The following RAD51D variants were observed in gnomAD, a reference collection of about 807,000 sequenced individuals.
RAD51D encodes the protein RAD51 paralog D, also known as DNA repair protein RAD51 homolog 4.
A neutral mutation model predicts 44.1 loss-of-function variants in RAD51D; 38 were observed. That is an observed-to-expected ratio of 0.86 (90% CI 0.67 to 1.13). The LOEUF (loss-of-function observed/expected upper bound fraction) is 1.13. Among genes scored for constraint, RAD51D ranks in the 50% most tolerant of loss-of-function variants. The probability of loss-of-function intolerance (pLI) is 0.00; values close to 1 mark genes in which losing one functional copy is unlikely to be tolerated. For missense variants in RAD51D, 390 were observed against 414.0 expected, an observed-to-expected ratio of 0.94 and a Z score of 0.50; for synonymous variants, 141 against 166.6, an observed-to-expected ratio of 0.85 and a Z score of 1.18.
At chr17:35,115,272 C>A in intron 3 of RAD51D, 1 of 518,426 alleles carries the variant, frequency 1.9e-6, no homozygotes, top group Admixed American at 1.9e-5. Flanking sequence ...CACACCACTT[C>A]AATGCCTCAT....
chr17:35,106,598 G>A, intron 5 of RAD51D, 117 bp from the exon 6 acceptor site: 1 of 779,372 alleles, frequency 1.3e-6, no homozygotes, highest in Non-Finnish European at 2.2e-6. Context: ...GGTGGCAAAT[G>A]AGCTTTGTCT....
intron 3 of RAD51D, chr17:35,115,176 T>G (rs1335317168): frequency 6.5e-6 from 3 of 458,120 alleles, no homozygotes; most frequent in Non-Finnish European, 1.3e-5. Flanking sequence ...GTTTTACCAC[T>G]GCCTAGAATA....
At chr17:35,116,002 A>AAAGAAAGAAAGAAAGAAAGAAAGG (rs1491449510) in intron 3 of RAD51D, among the ~76,000 whole-genome samples, 2 of 150,870 alleles carry the variant, frequency 1.3e-5, no homozygotes, top group African/African-American at 2.4e-5. Flanking sequence ...AGAAAGAAAG[A>AAAGAAAGAAAGAAAGAAAGAAAGG]AAGAAAGAAA....
At chr17:35,118,107 G>A (rs2091770662) in intron 3 of RAD51D, among the ~76,000 whole-genome samples, 1 of 152,160 alleles carries the variant, frequency 6.6e-6, no homozygotes, top group Non-Finnish European at 1.5e-5. Context: ...TTGTGTTATA[G>A]GACAATGCTT....
rs896578423 is a variant in RAD51D, at chr17:35,093,146, G to T, written c.*7807C>A. The T allele has an allele frequency of 6.6e-6, 1 of 152,118 alleles. No homozygotes were observed. Among genetic ancestry groups the T allele is most frequent in the African/African-American group, 2.4e-5 (1 of 41,412 alleles). 9.4% of individuals were successfully genotyped at this position (152,118 alleles called of 1,614,324 possible). On this transcript the variant is annotated 3_prime_UTR_variant, in exon 10 of 10. Transcript: ENST00000345365. ...ATAAGCTTATTCATAATATGAGATT[G>T]AGTGCCTATATCATGCCTGGAAAAC... is the stretch of plus-strand genomic sequence containing the variant.
rs1202392346 is a variant in RAD51D at position 35,095,599 on chromosome 17, T to C, written c.*5354A>G. 6.6e-6 allele frequency: 1 copy of C among 152,014 alleles called. No individual in the cohort carries two copies. Among genetic ancestry groups the C allele is most frequent in the Non-Finnish European group, 1.5e-5 (1 of 68,050 alleles). The allele number at this position is 152,014 out of a possible 1,614,324, so 9.4% of individuals were successfully genotyped here. A position where few individuals can be genotyped will look rare whatever the true frequency, so the allele number is the denominator to read the frequency against. On this transcript the variant is annotated 3_prime_UTR_variant, in exon 10 of 10. Transcript: ENST00000345365. Reference sequence around the variant, plus strand: ...GAGGTCAGGAGTTCGAGACCAGCCATGGCCAACATGATGAAACCCCATCTC... The same window carrying C: ...GAGGTCAGGAGTTCGAGACCAGCCACGGCCAACATGATGAAACCCCATCTC...
At position 35,100,432 on chromosome 17, in the gene RAD51D, AG is replaced by A. The variant is rs2091520267; in HGVS notation, c.*520del. 5.6e-6 allele frequency: 3 copies of A among 534,630 alleles called. No homozygotes were observed. Among genetic ancestry groups the A allele is most frequent in the Non-Finnish European group, 1.1e-5 (3 of 276,642 alleles). The allele number at this position is 534,630 out of a possible 1,614,324, so 33.1% of individuals were successfully genotyped here. ...TAAGAGCAAAACAGAGATGAAGAAG[AG>A]TATTTCATTTATAAGCTTATTTCCA... On this transcript the variant is annotated 3_prime_UTR_variant, in exon 10 of 10. Transcript: ENST00000345365.
chr17:35,118,421 G>C lies in RAD51D; in HGVS notation c.263+80C>G, dbSNP rs1215979962. On this transcript the variant is annotated intron_variant, in intron 3 of 9. Coordinates refer to ENST00000345365, the MANE Select transcript of RAD51D (RefSeq NM_002878.4). ...TTAAAAAAAAAACCCCTCCCGTCTA[G>C]ACTCAAGCATCAAAAGCAGAGCTGA... The C allele has an allele frequency of 3.3e-6, 4 of 1,226,398 alleles. No individual in the cohort carries two copies. The Admixed American group carries it at 6.7e-5, about 21-fold the overall frequency. The allele number at this position is 1,226,398 out of a possible 1,614,324, so 76.0% of individuals were successfully genotyped here. A position where few individuals can be genotyped will look rare whatever the true frequency, so the allele number is the denominator to read the frequency against.
In RAD51D at chr17:35,096,251, T is replaced by C. The variant is rs2091485257; in HGVS notation, c.*4702A>G. On this transcript the variant is annotated 3_prime_UTR_variant, in exon 10 of 10. Transcript: ENST00000345365. Reference sequence around the variant, plus strand: ...GGTCTTGCTATGTTGCCCAGGCTGGTCTGGAACTCCTGGCCTCAGGCGATC... The same window carrying C: ...GGTCTTGCTATGTTGCCCAGGCTGGCCTGGAACTCCTGGCCTCAGGCGATC... 1 of 152,148 alleles carries C rather than the reference T, an allele frequency of 6.6e-6. No homozygotes were observed. The highest frequency in any genetic ancestry group is 1.5e-5 in the Non-Finnish European group (1 of 68,016). The allele number at this position is 152,148 out of a possible 1,614,324, so 9.4% of individuals were successfully genotyped here. A position where few individuals can be genotyped will look rare whatever the true frequency, so the allele number is the denominator to read the frequency against.
Position 35,096,385 on chromosome 17 carries a change from C to A in RAD51D, c.*4568G>T, listed in dbSNP as rs1486563437. The A allele has an allele frequency of 6.6e-6, 1 of 152,140 alleles. No individual in the cohort carries two copies. Among genetic ancestry groups the A allele is most frequent in the Non-Finnish European group, 1.5e-5 (1 of 68,026 alleles). 9.4% of individuals were successfully genotyped at this position (152,140 alleles called of 1,614,324 possible). On this transcript the variant is annotated 3_prime_UTR_variant, in exon 10 of 10. Transcript: ENST00000345365. ...CACACAGGAGGCGATCCTTCTCCTG[C>A]CTGTAGATATTGTCACGTCTGGATT...
Position 35,092,301 on chromosome 17 carries a change from CCAAA to C in RAD51D, c.*8648_*8651del, listed in dbSNP as rs1432333201. 1 of 152,120 alleles carries C rather than the reference CCAAA, an allele frequency of 6.6e-6. No individual in the cohort carries two copies. Among genetic ancestry groups the C allele is most frequent in the East Asian group, 1.9e-4 (1 of 5,198 alleles). The allele number at this position is 152,120 out of a possible 1,614,324, so 9.4% of individuals were successfully genotyped here. A position where few individuals can be genotyped will look rare whatever the true frequency, so the allele number is the denominator to read the frequency against. ...ATATTTATGAAGCACAGGCCTTTCC[CCAAA>C]CAGTTGTGAAAAAATAAATCATATT... On this transcript the variant is annotated 3_prime_UTR_variant, in exon 10 of 10. Transcript: ENST00000345365.
intron 3 of RAD51D, among the ~76,000 whole-genome samples, chr17:35,115,004 T>A (rs932982183): frequency 6.6e-6 from 1 of 152,164 alleles, no homozygotes; most frequent in African/African-American, 2.4e-5. Flanking sequence ...GTATAAGGTA[T>A]TCCCAAATCC....
rs2091796748 is a variant in RAD51D at position 35,119,520 on chromosome 17, A to C, written c.82+12T>G. On this transcript the variant is annotated intron_variant, in intron 1 of 9. Transcript: ENST00000345365. ...GCCCGCGCGGCTCCCTGGCACGCGC[A>C]CACCCGGTCACCTGTCTTGATCCTG... 1 of 1,610,566 alleles carries C rather than the reference A, an allele frequency of 6.2e-7. No individual in the cohort carries two copies. Among genetic ancestry groups the C allele is most frequent in the South Asian group, 1.1e-5 (1 of 91,082 alleles).
At chr17:35,108,159 C>T (rs947056065) in intron 3 of RAD51D, among the ~76,000 whole-genome samples, 21 of 151,294 alleles carry the variant, frequency 1.4e-4, no homozygotes, top group Non-Finnish European at 2.7e-4. Context: ...GCAGGAGAAT[C>T]GCTTGAACCC....
At chr17:35,116,002 A>AAAGAAAGAAAGAAAGAAAGG (rs1491449510) in intron 3 of RAD51D, among the ~76,000 whole-genome samples, 9 of 150,990 alleles carry the variant, frequency 6.0e-5, no homozygotes, top group African/African-American at 1.7e-4. Flanking sequence ...AGAAAGAAAG[A>AAAGAAAGAAAGAAAGAAAGG]AAGAAAGAAA....
Position 35,100,691 on chromosome 17 carries a change from C to T in RAD51D, c.*262G>A. On this transcript the variant is annotated 3_prime_UTR_variant, in exon 10 of 10. Coordinates refer to ENST00000345365, the MANE Select transcript of RAD51D (RefSeq NM_002878.4). The stretch of plus-strand genomic sequence containing the variant: ...CCAGCCAGGGTGAACTTGGTTTCCA[C>T]CAGAAACATACACGTTAGAAATAAG... 1.6e-6 allele frequency: 1 copy of T among 608,652 alleles called. No homozygotes were observed. Among genetic ancestry groups the T allele is most frequent in the African/African-American group, 1.8e-5 (1 of 55,080 alleles). 37.7% of individuals were successfully genotyped at this position (608,652 alleles called of 1,614,324 possible).
chr17:35,104,703 T>C (rs1567727113), intron 6 of RAD51D: 1 of 152,246 alleles, frequency 6.6e-6, no homozygotes, highest in Admixed American at 6.5e-5. Context: ...TTTCTAACCA[T>C]AATTTTCTGT....
In RAD51D at chr17:35,104,838, CT is replaced by C. The variant is rs777164109; in HGVS notation, c.577-1295del. On this transcript the variant is annotated intron_variant, in intron 6 of 9. Coordinates refer to ENST00000345365, the MANE Select transcript of RAD51D (RefSeq NM_002878.4). Reference sequence around the variant, plus strand: ...TCTTTTTCTTTTCTTCTTTCTTTTTCTTTTTTTTTTTTTTAAGACAGGGTCT... The same window carrying C: ...TCTTTTTCTTTTCTTCTTTCTTTTTCTTTTTTTTTTTTTAAGACAGGGTCT... 1,110 of 141,608 alleles carry C rather than the reference CT, an allele frequency of 7.8e-3. 5 individuals are homozygous for C. Among genetic ancestry groups the C allele is most frequent in the African/African-American group, 0.016 (613 of 38,908 alleles). The allele number at this position is 141,608 out of a possible 1,614,324, so 8.8% of individuals were successfully genotyped here.
intron 3 of RAD51D, among the ~76,000 whole-genome samples, chr17:35,117,363 C>A (rs969154676): frequency 2.0e-5 from 3 of 152,208 alleles, no homozygotes; most frequent in African/African-American, 7.2e-5. Flanking sequence ...ATCCAAAGAC[C>A]TTTATGGTGG....
Sources: allele counts gnomAD v4.1 joint callset (sites outside exome capture counted in the v4.1 genomes callset), GRCh38; gene constraint gnomAD v4.1.1; transcripts MANE v1.5; gene names NCBI Gene and HGNC (gene_info 2026-07-23, HGNC 2026-07-21).